INPP5A: variants seen among roughly 807,000 people sequenced by gnomAD.
INPP5A encodes inositol polyphosphate-5-phosphatase A, also known as 43 kDa inositol polyphosphate 5-phophatase.
A neutral mutation model predicts 65.2 loss-of-function variants in INPP5A; 14 were observed. The observed-to-expected ratio is 0.21, with a 90% CI of 0.14 to 0.34. INPP5A has a LOEUF of 0.34. INPP5A is among the 10% of genes least tolerant of loss of function. INPP5A has a pLI of 1.00. For missense variants in INPP5A, 431 were observed against 545.6 expected (o/e 0.79, Z 2.09); for synonymous variants, 207 against 208.3 (o/e 0.99, Z 0.05).
intron 9 of INPP5A, among the ~76,000 whole-genome samples, chr10:132,747,539 G>A (rs1436084255): frequency 6.6e-6 from 1 of 152,232 alleles, no homozygotes; most frequent in African/African-American, 2.4e-5. Flanking sequence ...CCTGCTGAGC[G>A]CATGCCCGGA....
At chr10:132,605,622 C>G (rs1403654934) in intron 1 of INPP5A, among the ~76,000 whole-genome samples, 1 of 151,978 alleles carries the variant, frequency 6.6e-6, no homozygotes, top group Non-Finnish European at 1.5e-5. Flanking sequence ...GCCCTGGGAG[C>G]TTCCAAGCTG....
chr10:132,760,049 A>G (rs985569835), intron 11 of INPP5A, among the ~76,000 whole-genome samples: 9 of 152,210 alleles, frequency 5.9e-5, no homozygotes, highest in Non-Finnish European at 1.2e-4. Flanking sequence ...CCTGGGCGAT[A>G]GCCACACCGT....
intron 4 of INPP5A, among the ~76,000 whole-genome samples, chr10:132,681,481 G>A (rs1171773097): frequency 6.6e-6 from 1 of 152,170 alleles, no homozygotes; most frequent in Non-Finnish European, 1.5e-5. Flanking sequence ...AACATCAGAA[G>A]GAACAAACCC....
chr10:132,564,767 C>G (rs1195530562), intron 1 of INPP5A, among the ~76,000 whole-genome samples: 4 of 152,340 alleles, frequency 2.6e-5, no homozygotes, highest in South Asian at 4.1e-4. Context: ...TTTGGAGCTC[C>G]TGGTGGCAGA....
chr10:132,672,991 C>G (rs1217446580), intron 4 of INPP5A, among the ~76,000 whole-genome samples: 1 of 152,146 alleles, frequency 6.6e-6, no homozygotes, highest in Non-Finnish European at 1.5e-5. Flanking sequence ...GTTGTAGTTT[C>G]CCGTTGACCT....
chr10:132,778,959 C>T (rs375999487), intron 13 of INPP5A, among the ~76,000 whole-genome samples: 23 of 152,376 alleles, frequency 1.5e-4, no homozygotes, highest in Non-Finnish European at 2.5e-4. Context: ...TCTGCCGGGC[C>T]GGGTTCCTTA....
At chr10:132,577,206 A>C (rs1198069314) in intron 1 of INPP5A, among the ~76,000 whole-genome samples, 1 of 152,148 alleles carries the variant, frequency 6.6e-6, no homozygotes, top group East Asian at 1.9e-4. Context: ...TGGTGCCCTG[A>C]GTGCAGGTGG....
chr10:132,571,114 C>G (rs1324774996), intron 1 of INPP5A, among the ~76,000 whole-genome samples: 2 of 152,272 alleles, frequency 1.3e-5, no homozygotes, highest in Admixed American at 1.3e-4. Flanking sequence ...CCCTCCTCAC[C>G]GTGGGCTCCG....
intron 5 of INPP5A, among the ~76,000 whole-genome samples, chr10:132,696,245 G>C (rs975312405): frequency 6.6e-6 from 1 of 152,190 alleles, no homozygotes; most frequent in East Asian, 1.9e-4. Flanking sequence ...ATACTGTCAA[G>C]GGCTCAGCTC....
intron 3 of INPP5A, 105 bp downstream of exon 3, chr10:132,646,073 C>T: frequency 1.3e-6 from 1 of 741,816 alleles, no homozygotes; most frequent in East Asian, 2.7e-5. Flanking sequence ...CCATTCGGGA[C>T]TCACCTGGGG....
At chr10:132,718,661 C>A (rs1441947684) in intron 8 of INPP5A, among the ~76,000 whole-genome samples, 2 of 141,030 alleles carry the variant, frequency 1.4e-5, no homozygotes, top group African/African-American at 5.3e-5. Flanking sequence ...TAGATGCTGT[C>A]TTCAGGGTTC....
At position 132,753,944 on chromosome 10, in the gene INPP5A, T is replaced by G. The variant is rs1210091012; in HGVS notation, c.903+4099T>G. ...TTGGTGATCATGTTTGTGAAAAATC[T>G]CAGAGAGATACAAATTATCAATTCA... On this transcript the variant is annotated intron_variant, in intron 11 of 15. Transcript: ENST00000368594. This position sits in a 1 kb window ranked among gnomAD's most constrained non-coding sequence, Gnocchi z 5.3. The G allele has an allele frequency of 1.3e-5, 2 of 152,242 alleles. No individual in the cohort carries two copies. Among genetic ancestry groups the G allele is most frequent in the Non-Finnish European group, 2.9e-5 (2 of 68,042 alleles). 9.4% of individuals were successfully genotyped at this position (152,242 alleles called of 1,614,324 possible).
chr10:132,603,861 T>C lies in INPP5A; in HGVS notation c.76-4054T>C, dbSNP rs1233828399. ...TGGTGTGGGTCACTGTGGTCTTTCCTTTCTGACTTCTGGGCTCTGCTGCAT... is the reference window on the plus strand; with the variant it reads ...TGGTGTGGGTCACTGTGGTCTTTCCCTTCTGACTTCTGGGCTCTGCTGCAT... On this transcript the variant is annotated intron_variant, in intron 1 of 15. Transcript: ENST00000368594. This position sits in a 1 kb window ranked among gnomAD's most constrained non-coding sequence, Gnocchi z 4.2. 6.6e-6 allele frequency among the ~76,000 whole-genome samples: 1 copy of C among 152,042 alleles called. No homozygotes were observed. The highest frequency in any genetic ancestry group is 1.5e-5 in the Non-Finnish European group (1 of 68,010).
chr10:132,719,448 G>T (rs1179317630), intron 8 of INPP5A, among the ~76,000 whole-genome samples: 1 of 150,014 alleles, frequency 6.7e-6, no homozygotes, highest in Non-Finnish European at 1.5e-5. Flanking sequence ...GTGGTACCTG[G>T]GTTCTGTCTG....
intron 1 of INPP5A, among the ~76,000 whole-genome samples, chr10:132,583,802 C>T (rs901467967): frequency 6.6e-6 from 1 of 152,146 alleles, no homozygotes; most frequent in South Asian, 2.1e-4. Context: ...CTATTTTGGG[C>T]CAGGCACAGT....
At position 132,677,292 on chromosome 10, in the gene INPP5A, C is replaced by A. The variant is rs547440497; in HGVS notation, c.307-13100C>A. 2.1e-4 allele frequency among the ~76,000 whole-genome samples: 32 copies of A among 152,376 alleles called. No individual in the cohort carries two copies. The South Asian group carries it at 6.2e-3, about 30-fold the overall frequency. ...GCCTGGGTGCAGAGCTGAACCTCCC[C>A]ACTGGGGCTCCTCTGTCATGGCCCC... is the stretch of plus-strand genomic sequence containing the variant. On this transcript the variant is annotated intron_variant, in intron 4 of 15. Transcript: ENST00000368594.
chr10:132,605,657 C>T (rs1251519055), intron 1 of INPP5A, among the ~76,000 whole-genome samples: 9 of 152,198 alleles, frequency 5.9e-5, no homozygotes, highest in Admixed American at 3.9e-4. Context: ...GACGCAGCAG[C>T]GCCACGCGGG....
intron 2 of INPP5A, among the ~76,000 whole-genome samples, chr10:132,626,452 T>G (rs1225367043): frequency 2.0e-5 from 3 of 152,168 alleles, no homozygotes; most frequent in Non-Finnish European, 2.9e-5. Context: ...AGCCAGTAGG[T>G]GGGAGTCCTG....
At chr10:132,738,673 C>T (rs953648347) in intron 9 of INPP5A, among the ~76,000 whole-genome samples, 1 of 152,220 alleles carries the variant, frequency 6.6e-6, no homozygotes, top group East Asian at 1.9e-4. Context: ...GCGCTGTGTC[C>T]GAGCCTGCCA....
Sources: allele counts gnomAD v4.1 joint callset (sites outside exome capture counted in the v4.1 genomes callset), GRCh38; gene constraint gnomAD v4.1.1; non-coding constraint Gnocchi (gnomAD v3.1); transcripts MANE v1.5; gene names NCBI Gene and HGNC (gene_info 2026-07-23, HGNC 2026-07-21).